DPP10: variants seen among roughly 807,000 people sequenced by gnomAD.
DPP10 encodes inactive dipeptidyl peptidase 10.
In DPP10, 33 loss-of-function variants were observed where a neutral mutation model predicts 120.9. That is an observed-to-expected ratio of 0.27 (90% CI 0.21 to 0.37). The LOEUF is 0.37. DPP10 is among the 10% of genes least tolerant of loss of function. The pLI is 1.00. For missense variants in DPP10, 816 were observed against 942.8 expected (o/e 0.87, Z 1.76); for synonymous variants, 337 against 326.1 (o/e 1.03, Z -0.36).
chr2:115,140,937 A>AG (rs938114288), intron 1 of DPP10, among the ~76,000 whole-genome samples: 1 of 151,688 alleles, frequency 6.6e-6, no homozygotes, highest in African/African-American at 2.4e-5. Context: ...AAAAAAAAAA[A>AG]AAAACTAAAG....
rs185285442 is a variant in DPP10 at position 114,546,086 on chromosome 2, A to G, written c.60+103248A>G. ...ACAGTTCTATCATTCCATTCTTGAG[A>G]GTCATAATTCAGCATTCCCCCCTGT... On this transcript the variant is annotated intron_variant, in intron 1 of 25. Transcript: ENST00000410059. Among the ~76,000 whole-genome samples the G allele has an allele frequency of 6.6e-5, 10 of 152,224 alleles. No individual in the cohort carries two copies. The East Asian group carries it at 1.7e-3, about 26-fold the overall frequency.
At chr2:115,725,455 G>A (rs1347137018) in intron 7 of DPP10, among the ~76,000 whole-genome samples, 1 of 152,182 alleles carries the variant, frequency 6.6e-6, no homozygotes, top group African/African-American at 2.4e-5. Context: ...ACAGCTTTCA[G>A]TGGCATGGCA....
chr2:115,395,413 G>C (rs138882058), intron 3 of DPP10, among the ~76,000 whole-genome samples: 1 of 152,262 alleles, frequency 6.6e-6, no homozygotes, highest in Non-Finnish European at 1.5e-5. Context: ...AGTAGGTTTA[G>C]AGCTTTGACA....
At chr2:115,221,184 A>AT (rs1373588168) in intron 1 of DPP10, among the ~76,000 whole-genome samples, 2 of 151,928 alleles carry the variant, frequency 1.3e-5, no homozygotes, top group Non-Finnish European at 2.9e-5. Flanking sequence ...AGAAATTAAG[A>AT]TTTTTTTCTC....
intron 3 of DPP10, among the ~76,000 whole-genome samples, chr2:115,410,719 A>G (rs946647298): frequency 7.9e-5 from 12 of 152,220 alleles, no homozygotes; most frequent in African/African-American, 2.9e-4. Context: ...GGTGCAGTTT[A>G]CACTGCTCAA....
Position 115,309,241 on chromosome 2 carries a change from A to C in DPP10, c.63A>C (p.Glu21Asp). 1 of 1,612,696 alleles carries C rather than the reference A, an allele frequency of 6.2e-7. No individual in the cohort carries two copies. Among genetic ancestry groups the C allele is most frequent in the Non-Finnish European group, 8.5e-7 (1 of 1,179,180 alleles). Reference protein sequence around the residue: ...IKCQPSKTIKELGSNSPPQRN... With the variant: ...IKCQPSKTIKDLGSNSPPQRN... The stretch of plus-strand genomic sequence containing the variant: ...AACTTTTTTTTCTATCTCGGTAGGA[A>C]CTGGGAAGTAACAGCCCTCCACAGA... The change falls in exon 2 of 26, where the codon GAA (glutamate) becomes GAC (aspartate). Residue 21 changes from glutamate (E) to aspartate (D), a missense_variant and splice_region_variant. Physicochemically the swap from Glu to Asp is conservative, Grantham distance 45. Around this residue, in one of 3 missense-constraint regions of DPP10, gnomAD observed 182 missense variants for 207.4 expected, o/e 0.88. Coordinates refer to ENST00000410059, the MANE Select transcript of DPP10 (RefSeq NM_020868.6).
In DPP10 at chr2:115,220,938, A is replaced by G. The variant is rs560918292; in HGVS notation, c.61-88301A>G. Among the ~76,000 whole-genome samples the G allele has an allele frequency of 5.8e-5, 6 of 103,386 alleles. No homozygotes were observed. In the East Asian group the frequency reaches 1.9e-3, roughly 33 times the overall value. 67.8% of individuals were successfully genotyped at this position (103,386 alleles called of 152,430 possible). A position where few individuals can be genotyped will look rare whatever the true frequency, so the allele number is the denominator to read the frequency against. ...TTTTATATTCATATATAATATTTAT[A>G]TGTAACTAAAATATTATATAATCAG... On this transcript the variant is annotated intron_variant, in intron 1 of 25. Coordinates refer to ENST00000410059, the MANE Select transcript of DPP10 (RefSeq NM_020868.6).
At chr2:114,998,609 T>A (rs1002360649) in intron 1 of DPP10, among the ~76,000 whole-genome samples, 1 of 152,166 alleles carries the variant, frequency 6.6e-6, no homozygotes, top group Non-Finnish European at 1.5e-5. Flanking sequence ...GATTAATCAG[T>A]ATCTTGATCA....
rs548987791 is a variant in DPP10 at position 115,323,356 on chromosome 2, T to C, written c.175+14003T>C. On this transcript the variant is annotated intron_variant, in intron 2 of 25. Coordinates refer to ENST00000410059, the MANE Select transcript of DPP10 (RefSeq NM_020868.6). ...TCAGTTTCATCTTCATGTTCCACTT[T>C]TAATTCAAATTCTCTTGCTGCCCCT... is the stretch of plus-strand genomic sequence containing the variant. Among the ~76,000 whole-genome samples, 3 of 152,322 alleles carry C rather than the reference T, an allele frequency of 2.0e-5. No homozygotes were observed. In the South Asian group the frequency reaches 6.2e-4, roughly 32 times the overall value.
intron 1 of DPP10, among the ~76,000 whole-genome samples, chr2:114,457,150 G>A (rs972389541): frequency 3.9e-5 from 6 of 152,214 alleles, no homozygotes; most frequent in African/African-American, 1.4e-4. Flanking sequence ...AACAGATCCT[G>A]CGTCTGTTGT....
At chr2:114,766,929 A>G (rs986504493) in intron 1 of DPP10, among the ~76,000 whole-genome samples, 2 of 151,852 alleles carry the variant, frequency 1.3e-5, no homozygotes, top group African/African-American at 4.8e-5. Flanking sequence ...ACATACACAC[A>G]CGAGAGAGAG....
chr2:115,768,267 G>A (rs149372227), intron 12 of DPP10, 30 bp from the exon 13 acceptor site: 296 of 1,601,076 alleles, frequency 1.8e-4, no homozygotes, highest in Non-Finnish European at 2.3e-4. Context: ...GTGCCTTTCT[G>A]AGATTGTTCT....
At chr2:115,569,605 G>A (rs1360053974) in intron 5 of DPP10, among the ~76,000 whole-genome samples, 2 of 152,130 alleles carry the variant, frequency 1.3e-5, no homozygotes, top group Admixed American at 6.5e-5. Context: ...TATTTGATGC[G>A]AGAATTATAT....
At chr2:115,232,733 C>A (rs1176510811) in intron 1 of DPP10, among the ~76,000 whole-genome samples, 1 of 152,176 alleles carries the variant, frequency 6.6e-6, no homozygotes, top group African/African-American at 2.4e-5. Context: ...TGAATGAAGT[C>A]AATGAATACA....
At chr2:114,556,676 G>A (rs1440541802) in intron 1 of DPP10, among the ~76,000 whole-genome samples, 1 of 152,132 alleles carries the variant, frequency 6.6e-6, no homozygotes. Context: ...ACTAAAGAAA[G>A]TGTATACATA....
intron 1 of DPP10, among the ~76,000 whole-genome samples, chr2:114,608,103 A>C (rs747345929): frequency 1.6e-4 from 25 of 152,218 alleles, no homozygotes; most frequent in Admixed American, 5.9e-4. Context: ...CTCTCCAAAC[A>C]CAAGTATTTA....
At chr2:114,820,056 G>C (rs926782569) in intron 1 of DPP10, among the ~76,000 whole-genome samples, 1 of 152,158 alleles carries the variant, frequency 6.6e-6, no homozygotes, top group African/African-American at 2.4e-5. Flanking sequence ...TTCTGAGCCT[G>C]TTCTTTTTAA....
At chr2:114,578,704 T>C (rs1221842203) in intron 1 of DPP10, among the ~76,000 whole-genome samples, 1 of 152,218 alleles carries the variant, frequency 6.6e-6, no homozygotes, top group Non-Finnish European at 1.5e-5. Context: ...TTCTGGATGC[T>C]TTAGTCAGAT....
At chr2:114,614,088 A>T (rs1693495840) in intron 1 of DPP10, among the ~76,000 whole-genome samples, 1 of 152,122 alleles carries the variant, frequency 6.6e-6, no homozygotes, top group Non-Finnish European at 1.5e-5. Flanking sequence ...GTACCTATGT[A>T]AAAAACCGGC....
Sources: gnomAD v4.1 joint callset for allele counts (sites outside exome capture counted in the v4.1 genomes callset) on GRCh38, gnomAD v4.1.1 for gene constraint, gnomAD v4.1.1 regional missense constraint, MANE v1.5 for transcripts, NCBI Gene and HGNC (gene_info 2026-07-23, HGNC 2026-07-21) for gene names.